ZNF566: variants seen among roughly 807,000 people sequenced by gnomAD.
ZNF566 encodes zinc finger protein 566.
A neutral mutation model predicts 32.8 loss-of-function variants in ZNF566; 27 were observed. The ratio of observed to expected loss-of-function variants is 0.82; its 90% CI spans 0.61 to 1.14. The LOEUF (loss-of-function observed/expected upper bound fraction) is 1.14, where lower values mean the gene tolerates loss of function less well. ZNF566 is among the 50% of genes most tolerant of loss of function. ZNF566 has a pLI of 0.00. For synonymous variants in ZNF566, 154 were observed against 159.5 expected, an observed-to-expected ratio of 0.97 and a Z score of 0.26; for missense variants, 402 against 490.4, an observed-to-expected ratio of 0.82 and a Z score of 1.70.
At chr19:36,461,319 T>G (rs756462794) in intron 4 of ZNF566, among the ~76,000 whole-genome samples, 2 of 152,212 alleles carry the variant, frequency 1.3e-5, no homozygotes, top group Non-Finnish European at 2.9e-5. Flanking sequence ...ACTAGGTTGT[T>G]ACTTCAATGG....
intron 1 of ZNF566, among the ~76,000 whole-genome samples, chr19:36,485,449 A>T (rs950227105): frequency 5.6e-5 from 1 of 17,882 alleles, no homozygotes; most frequent in Non-Finnish European, 1.6e-4. Flanking sequence ...CTTGTCTATT[A>T]AAAAAAAAAA....
chr19:36,469,527 C>T (rs979290535), intron 4 of ZNF566, among the ~76,000 whole-genome samples: 5 of 151,586 alleles, frequency 3.3e-5, no homozygotes, highest in African/African-American at 7.3e-5. Context: ...GTAACAAGAG[C>T]GAAACTCCAT....
rs1313138250 is a variant in ZNF566, at chr19:36,447,708, G to A, written c.*1269C>T. 6.6e-6 allele frequency: 1 copy of A among 151,982 alleles called. No homozygotes were observed. The highest frequency in any genetic ancestry group is 1.5e-5 in the Non-Finnish European group (1 of 68,000). The allele number at this position is 151,982 out of a possible 1,614,324, so 9.4% of individuals were successfully genotyped here. On this transcript the variant is annotated 3_prime_UTR_variant, in exon 5 of 5. Transcript: ENST00000452939. Reference sequence around the variant, plus strand: ...CTGGGTATATAATGCGACAAAAAGAGTATTAGTCGGAATAAAGTCCTTCAC... The same window carrying A: ...CTGGGTATATAATGCGACAAAAAGAATATTAGTCGGAATAAAGTCCTTCAC...
intron 1 of ZNF566, among the ~76,000 whole-genome samples, chr19:36,488,684 A>G (rs2034233138): frequency 6.6e-6 from 1 of 152,230 alleles, no homozygotes; most frequent in Non-Finnish European, 1.5e-5. Context: ...TATACTTCAG[A>G]AGGGAGAATA....
chr19:36,465,229 G>GA (rs1483877424), intron 4 of ZNF566, among the ~76,000 whole-genome samples: 1 of 152,024 alleles, frequency 6.6e-6, no homozygotes, highest in African/African-American at 2.4e-5. Flanking sequence ...ATTAAAAGAT[G>GA]AAAAAATAAT....
chr19:36,454,341 T>TA (rs974897946), intron 4 of ZNF566, among the ~76,000 whole-genome samples: 2 of 150,818 alleles, frequency 1.3e-5, no homozygotes, highest in African/African-American at 2.4e-5. Flanking sequence ...CATACCACCA[T>TA]AAAAAAATCA....
intron 1 of ZNF566, among the ~76,000 whole-genome samples, chr19:36,481,283 C>G (rs2034022484): frequency 6.6e-6 from 1 of 151,824 alleles, no homozygotes; most frequent in Non-Finnish European, 1.5e-5. Flanking sequence ...CCAGCCTGGC[C>G]AACATGGTGG....
rs1600130522 is a variant in ZNF566, at chr19:36,448,901, G to A, written c.*76C>T. 12 of 1,219,906 alleles carry A rather than the reference G, an allele frequency of 9.8e-6. No individual in the cohort carries two copies. The East Asian group carries it at 2.7e-4, about 28-fold the overall frequency. The allele number at this position is 1,219,906 out of a possible 1,614,324, so 75.6% of individuals were successfully genotyped here. A position where few individuals can be genotyped will look rare whatever the true frequency, so the allele number is the denominator to read the frequency against. On this transcript the variant is annotated 3_prime_UTR_variant, in exon 5 of 5. Transcript: ENST00000452939. ...ATGTTTCTACATTATTCTATCTAGA[G>A]GAATTATTAACAAGATAAATTCTGT...
chr19:36,489,236 ATGCCGCACGTGGTCC>A (rs1211442353), intron 1 of ZNF566, among the ~76,000 whole-genome samples: 3 of 152,190 alleles, frequency 2.0e-5, no homozygotes, highest in Middle Eastern at 3.4e-3. Context: ...CGCACACACA[ATGCCGCACGTGGTCC>A]TGCTCCCTCT....
chr19:36,461,045 G>A (rs2033447751), intron 4 of ZNF566, among the ~76,000 whole-genome samples: 1 of 152,202 alleles, frequency 6.6e-6, no homozygotes, highest in African/African-American at 2.4e-5. Flanking sequence ...CAGAGTCTGT[G>A]TGAGAGTAGG....
chr19:36,477,531 TTTTTTGTTTGTTTGTTTG>T (rs2033921912), intron 1 of ZNF566, among the ~76,000 whole-genome samples: 1 of 108,490 alleles, frequency 9.2e-6, no homozygotes. Context: ...TTTCTGTTTT[TTTTTTGTTTGTTTGTTTG>T]TTTTTTTGAG....
chr19:36,446,629 A>G lies in ZNF566; in HGVS notation c.*2348T>C, dbSNP rs1440991394. 1.3e-5 allele frequency: 2 copies of G among 152,256 alleles called. No homozygotes were observed. Among genetic ancestry groups the G allele is most frequent in the Admixed American group, 1.3e-4 (2 of 15,288 alleles). The allele number at this position is 152,256 out of a possible 1,614,324, so 9.4% of individuals were successfully genotyped here. On this transcript the variant is annotated 3_prime_UTR_variant, in exon 5 of 5. Coordinates refer to ENST00000452939, the MANE Select transcript of ZNF566 (RefSeq NM_001145344.1). ...TATAATTTTAGATGAAGAACTTTAT[A>G]AAAGACATAAGCACACAAGAAAAGA...
At chr19:36,450,109 G>GA in intron 4 of ZNF566, 108 bp from the exon 5 acceptor site, 1 of 848,974 alleles carries the variant, frequency 1.2e-6, no homozygotes, top group Middle Eastern at 3.5e-4. Flanking sequence ...AATGGATGAG[G>GA]AAAAAAGAGA....
At chr19:36,455,070 T>C (rs2033264892) in intron 4 of ZNF566, among the ~76,000 whole-genome samples, 1 of 152,180 alleles carries the variant, frequency 6.6e-6, no homozygotes, top group South Asian at 2.1e-4. Context: ...GATGTTTCAA[T>C]ATAAGCAAAG....
At chr19:36,471,209 G>A (rs548242938) in intron 4 of ZNF566, among the ~76,000 whole-genome samples, 13 of 109,574 alleles carry the variant, frequency 1.2e-4, no homozygotes, top group African/African-American at 4.6e-4. Context: ...GCGAGACTCT[G>A]TCTCAAAAAA....
chr19:36,455,847 T>C (rs1347581531), intron 4 of ZNF566, among the ~76,000 whole-genome samples: 6 of 152,056 alleles, frequency 3.9e-5, no homozygotes, highest in Non-Finnish European at 8.8e-5. Flanking sequence ...GAGACCATCC[T>C]GGCTAACACG....
chr19:36,462,425 C>A (rs930336899), intron 4 of ZNF566, among the ~76,000 whole-genome samples: 24 of 152,038 alleles, frequency 1.6e-4, no homozygotes, highest in African/African-American at 5.6e-4. Context: ...TTAGTTACCT[C>A]CCTCTGCTAT....
intron 4 of ZNF566, among the ~76,000 whole-genome samples, chr19:36,470,665 C>T (rs146140046): frequency 1.7e-3 from 256 of 152,300 alleles, no homozygotes; most frequent in African/African-American, 6.0e-3. Context: ...TATCCCAGCA[C>T]GTTGGGAGGC....
intron 1 of ZNF566, among the ~76,000 whole-genome samples, chr19:36,483,947 A>G (rs2034095069): frequency 1.3e-5 from 2 of 152,284 alleles, no homozygotes; most frequent in Admixed American, 6.5e-5. Flanking sequence ...CCTAAGCTAG[A>G]GTGCAATGGC....
Sources: allele counts gnomAD v4.1 joint callset (sites outside exome capture counted in the v4.1 genomes callset), GRCh38; gene constraint gnomAD v4.1.1; transcripts MANE v1.5; gene names NCBI Gene and HGNC (gene_info 2026-07-23, HGNC 2026-07-21).